Variants in CYSTM1 observed in about 807,000 individuals in gnomAD.
CYSTM1 encodes the protein cysteine rich transmembrane module containing 1, also known as cysteine-rich transmembrane module-containing protein 1.
CYSTM1 carries 4 observed loss-of-function variants against 13.1 expected under a neutral mutation model. That is an observed-to-expected ratio of 0.31 (90% CI 0.15 to 0.70). CYSTM1 has a LOEUF of 0.70. Ranked by LOEUF, CYSTM1 falls within the 30% of genes least tolerant of loss-of-function variation. The pLI, the probability that CYSTM1 is intolerant of heterozygous loss-of-function variation, is 0.72. For synonymous variants in CYSTM1, 36 were observed against 42.7 expected, an observed-to-expected ratio of 0.84 and a Z score of 0.62; for missense variants, 96 against 121.6, an observed-to-expected ratio of 0.79 and a Z score of 0.99.
intron 2 of CYSTM1, among the ~76,000 whole-genome samples, chr5:140,203,920 C>G (rs1764259308): frequency 6.6e-6 from 1 of 152,190 alleles, no homozygotes; most frequent in South Asian, 2.1e-4. Flanking sequence ...CCCCAGCATT[C>G]TAGACAGGAA....
intron 2 of CYSTM1, among the ~76,000 whole-genome samples, chr5:140,218,701 G>A (rs1464282366): frequency 6.6e-6 from 1 of 152,230 alleles, no homozygotes; most frequent in Non-Finnish European, 1.5e-5. Context: ...GACAGATGAT[G>A]ACAGCAGCAT....
At chr5:140,217,148 G>A (rs953727590) in intron 2 of CYSTM1, among the ~76,000 whole-genome samples, 1 of 152,080 alleles carries the variant, frequency 6.6e-6, no homozygotes, top group Non-Finnish European at 1.5e-5. Context: ...CCCTTGAAAT[G>A]AGTCCATTTG....
chr5:140,196,489 T>A (rs1193348009), intron 2 of CYSTM1, among the ~76,000 whole-genome samples: 1 of 152,248 alleles, frequency 6.6e-6, no homozygotes, highest in Non-Finnish European at 1.5e-5. Flanking sequence ...GCAAAGCTTA[T>A]ACTCTGTTAA....
intron 2 of CYSTM1, among the ~76,000 whole-genome samples, chr5:140,238,553 G>T (rs1175174796): frequency 6.6e-6 from 1 of 152,142 alleles, no homozygotes; most frequent in African/African-American, 2.4e-5. Flanking sequence ...AGGACATTTT[G>T]TTCTCATCAG....
Position 140,232,576 on chromosome 5 carries a change from G to A in CYSTM1, c.188-10729G>A, listed in dbSNP as rs149099396. Reference sequence around the variant, plus strand: ...CTGAGAGATTAGGTAAAGTGAGAACGCAAAAGTGTCTACACTGTTTTCACT... The same window carrying A: ...CTGAGAGATTAGGTAAAGTGAGAACACAAAAGTGTCTACACTGTTTTCACT... On this transcript the variant is annotated intron_variant, in intron 2 of 2. Transcript: ENST00000261811. Among the ~76,000 whole-genome samples, 16 of 152,268 alleles carry A rather than the reference G, an allele frequency of 1.1e-4. No homozygotes were observed. In the East Asian group the frequency reaches 3.1e-3, roughly 29 times the overall value.
At chr5:140,197,127 TGTTTATAC>T (rs1274343913) in intron 2 of CYSTM1, among the ~76,000 whole-genome samples, 1 of 152,184 alleles carries the variant, frequency 6.6e-6, no homozygotes, top group East Asian at 1.9e-4. Context: ...AGGCCAATAT[TGTTTATAC>T]TGACTCTCTA....
intron 2 of CYSTM1, among the ~76,000 whole-genome samples, chr5:140,203,687 C>T (rs540151864): frequency 3.9e-5 from 6 of 152,280 alleles, no homozygotes; most frequent in African/African-American, 1.4e-4. Context: ...GGTGATCTGT[C>T]ATTTTAAGGA....
chr5:140,190,250 C>G (rs200745521), intron 1 of CYSTM1, among the ~76,000 whole-genome samples: 1 of 152,178 alleles, frequency 6.6e-6, no homozygotes, highest in East Asian at 1.9e-4. Flanking sequence ...AAAAAAAACC[C>G]TTATTTTTTT....
At chr5:140,241,075 C>T (rs1764741235) in intron 2 of CYSTM1, among the ~76,000 whole-genome samples, 1 of 152,352 alleles carries the variant, frequency 6.6e-6, no homozygotes, top group East Asian at 1.9e-4. Context: ...TTTCTAACCT[C>T]TGTCAGCACT....
intron 2 of CYSTM1, among the ~76,000 whole-genome samples, chr5:140,236,355 T>G (rs1466178402): frequency 6.6e-6 from 1 of 152,170 alleles, no homozygotes. Flanking sequence ...CTGTATGATG[T>G]TTTGCAAGAC....
rs1763873718 is a variant in CYSTM1, at chr5:140,175,701, C to T, written c.-21+416C>T. Among the ~76,000 whole-genome samples the T allele has an allele frequency of 6.6e-6, 1 of 152,202 alleles. No homozygotes were observed. The highest frequency in any genetic ancestry group is 2.4e-5 in the African/African-American group (1 of 41,456). On this transcript the variant is annotated intron_variant, in intron 1 of 2. Transcript: ENST00000261811. This position sits in a 1 kb window ranked among gnomAD's most constrained non-coding sequence, Gnocchi z 4.9. Reference sequence around the variant, plus strand: ...TTCTGAGGCGCTGCTCTGCCTATTCCGAGCTGGGCCAGCCGGGGGCAGGGG... The same window carrying T: ...TTCTGAGGCGCTGCTCTGCCTATTCTGAGCTGGGCCAGCCGGGGGCAGGGG...
At chr5:140,199,675 G>C (rs1193317107) in intron 2 of CYSTM1, among the ~76,000 whole-genome samples, 3 of 152,158 alleles carry the variant, frequency 2.0e-5, no homozygotes, top group African/African-American at 7.2e-5. Context: ...TTTTAGTAGA[G>C]ATGAGGTTTC....
intron 2 of CYSTM1, among the ~76,000 whole-genome samples, chr5:140,196,133 A>T (rs984510732): frequency 6.6e-6 from 1 of 152,180 alleles, no homozygotes; most frequent in African/African-American, 2.4e-5. Context: ...CTATGAAGTT[A>T]TTCCCATTTT....
chr5:140,204,536 A>C (rs1405533376), intron 2 of CYSTM1, among the ~76,000 whole-genome samples: 1 of 151,722 alleles, frequency 6.6e-6, no homozygotes, highest in African/African-American at 2.4e-5. Flanking sequence ...CCCCTAAAAC[A>C]TACAAAAACA....
chr5:140,216,953 G>A (rs1052946481), intron 2 of CYSTM1, among the ~76,000 whole-genome samples: 1 of 152,062 alleles, frequency 6.6e-6, no homozygotes, highest in Non-Finnish European at 1.5e-5. Context: ...GCTTTCTCTT[G>A]AGGTTCTAGT....
At chr5:140,241,514 G>A (rs1764748642) in intron 2 of CYSTM1, among the ~76,000 whole-genome samples, 1 of 152,280 alleles carries the variant, frequency 6.6e-6, no homozygotes, top group African/African-American at 2.4e-5. Context: ...GAAGCCCAGG[G>A]ATGGCCTGCA....
At chr5:140,240,130 T>C (rs2126673727) in intron 2 of CYSTM1, among the ~76,000 whole-genome samples, 1 of 152,146 alleles carries the variant, frequency 6.6e-6, no homozygotes, top group African/African-American at 2.4e-5. Context: ...CACTGACTGC[T>C]ACCAACGTGC....
chr5:140,243,350 C>T lies in CYSTM1; in HGVS notation c.233C>T (p.Thr78Ile), dbSNP rs747892728. 2.7e-5 allele frequency: 44 copies of T among 1,614,088 alleles called. No individual in the cohort carries two copies. Among genetic ancestry groups the T allele is most frequent in the Non-Finnish European group, 3.5e-5 (41 of 1,180,042 alleles). The change falls in exon 3 of 3, where the codon ACC becomes ATC. Residue 78 changes from threonine to isoleucine, a missense_variant. Thr to Ile is a moderately conservative substitution (Grantham distance 89). Transcript: ENST00000261811. ...DQRRDELGPS[T>I]CLTACWTALC... ...AGAAGAGATGAGCTAGGACCATCCA[C>T]CTGCCTCACAGCCTGCTGGACGGCT...
intron 2 of CYSTM1, among the ~76,000 whole-genome samples, chr5:140,213,616 T>G (rs1764396605): frequency 6.6e-6 from 1 of 152,226 alleles, no homozygotes; most frequent in East Asian, 1.9e-4. Flanking sequence ...TCATGGTAAG[T>G]GCTCTATATA....
Sources: gnomAD v4.1 joint callset for allele counts (sites outside exome capture counted in the v4.1 genomes callset) on GRCh38, gnomAD v4.1.1 for gene constraint, Gnocchi (gnomAD v3.1) non-coding constraint, MANE v1.5 for transcripts, NCBI Gene and HGNC (gene_info 2026-07-23, HGNC 2026-07-21) for gene names.